Variants in PRKG1 observed in about 807,000 individuals in gnomAD.
PRKG1 encodes protein kinase cGMP-dependent 1.
In PRKG1, 35 loss-of-function variants were observed where a neutral mutation model predicts 88.1. The ratio of observed to expected loss-of-function variants is 0.40; its 90% CI spans 0.30 to 0.53. PRKG1 has a LOEUF of 0.53. Ranked by LOEUF, PRKG1 falls within the 20% of genes least tolerant of loss-of-function variation. PRKG1 has a pLI of 0.59. For synonymous variants in PRKG1, 303 were observed against 292.5 expected, an observed-to-expected ratio of 1.04 and a Z score of -0.37; for missense variants, 540 against 839.8, an observed-to-expected ratio of 0.64 and a Z score of 4.41.
chr10:51,161,146 G>A (rs1846349938), intron 2 of PRKG1, among the ~76,000 whole-genome samples: 1 of 152,040 alleles, frequency 6.6e-6, no homozygotes, highest in South Asian at 2.1e-4. Context: ...TTTTCTGTGA[G>A]AGTGGATTTT....
At chr10:51,475,904 G>A (rs1435002880) in intron 3 of PRKG1, among the ~76,000 whole-genome samples, 1 of 151,996 alleles carries the variant, frequency 6.6e-6, no homozygotes, top group Non-Finnish European at 1.5e-5. Flanking sequence ...GGTCATGAGT[G>A]TAGTTTGGAT....
intron 3 of PRKG1, among the ~76,000 whole-genome samples, chr10:51,477,883 G>C (rs749048734): frequency 7.9e-5 from 12 of 152,010 alleles, no homozygotes; most frequent in Non-Finnish European, 1.3e-4. Context: ...ACTTGGGGAA[G>C]TTGGTTCATA....
At chr10:51,511,121 A>G (rs867193683) in intron 3 of PRKG1, among the ~76,000 whole-genome samples, 15 of 152,230 alleles carry the variant, frequency 9.9e-5, no homozygotes, top group Middle Eastern at 3.4e-3. Flanking sequence ...GCTGAAATAT[A>G]CTATTTAGTA....
At chr10:52,061,907 G>C (rs1846244533) in intron 6 of PRKG1, among the ~76,000 whole-genome samples, 1 of 151,994 alleles carries the variant, frequency 6.6e-6, no homozygotes, top group Non-Finnish European at 1.5e-5. Context: ...GCGTATCCTA[G>C]AGAAACTAGG....
At chr10:51,851,316 T>C (rs1840548628) in intron 4 of PRKG1, among the ~76,000 whole-genome samples, 1 of 152,218 alleles carries the variant, frequency 6.6e-6, no homozygotes, top group Admixed American at 6.5e-5. Flanking sequence ...TGTCTTGAGA[T>C]ATTTTTCGTT....
intron 3 of PRKG1, among the ~76,000 whole-genome samples, chr10:51,468,459 T>A (rs1452365364): frequency 6.6e-6 from 1 of 151,932 alleles, no homozygotes; most frequent in Non-Finnish European, 1.5e-5. Context: ...TATATATGAT[T>A]TCTCTAGCAA....
At chr10:52,004,980 T>C (rs2454536) in intron 5 of PRKG1, among the ~76,000 whole-genome samples, 38,477 of 151,980 alleles carry the variant, frequency 0.25, 5,224 homozygotes, top group Admixed American at 0.32. Flanking sequence ...TCATTATCAA[T>C]ATGAGTTTGC....
chr10:51,446,030 A>G (rs1839263747), intron 2 of PRKG1, among the ~76,000 whole-genome samples: 1 of 151,990 alleles, frequency 6.6e-6, no homozygotes, highest in South Asian at 2.1e-4. Flanking sequence ...GTAGAGTTCA[A>G]TGGTGAATGT....
intron 1 of PRKG1, among the ~76,000 whole-genome samples, chr10:51,017,661 G>A (rs1202304716): frequency 1.3e-5 from 2 of 151,916 alleles, no homozygotes; most frequent in African/African-American, 4.8e-5. Context: ...TTTTTCCTGG[G>A]GCTCTATTAA....
At chr10:51,563,582 C>T (rs1837526130) in intron 3 of PRKG1, among the ~76,000 whole-genome samples, 1 of 151,712 alleles carries the variant, frequency 6.6e-6, no homozygotes, top group African/African-American at 2.4e-5. Context: ...GTTTGATACA[C>T]TGCAGCTGTA....
At chr10:51,467,858 T>A in intron 3 of PRKG1, 22 bp downstream of exon 3, 1 of 1,568,808 alleles carries the variant, frequency 6.4e-7, no homozygotes, top group Non-Finnish European at 8.8e-7. Flanking sequence ...TTCATATTTT[T>A]AAAATATTTT....
At chr10:51,736,662 G>A (rs1015294171) in intron 3 of PRKG1, among the ~76,000 whole-genome samples, 3 of 148,920 alleles carry the variant, frequency 2.0e-5, no homozygotes, top group Non-Finnish European at 4.4e-5. Flanking sequence ...AGGCTGGAGT[G>A]CAGTGGCGCC....
chr10:51,090,629 T>C (rs556916461), intron 1 of PRKG1, among the ~76,000 whole-genome samples: 4 of 152,298 alleles, frequency 2.6e-5, no homozygotes, highest in Admixed American at 6.5e-5. Context: ...CTGTTTATGC[T>C]CTAAAAGACA....
upstream of PRKG1, chr10:51,074,289 T>G (rs889531278): frequency 2.0e-5 from 7 of 357,626 alleles, no homozygotes; most frequent in African/African-American, 1.3e-4. Context: ...CCTCCGACTC[T>G]TCTCCCCCGC....
chr10:51,056,505 C>A (rs905116466), intron 1 of PRKG1, among the ~76,000 whole-genome samples: 5 of 152,144 alleles, frequency 3.3e-5, no homozygotes, highest in African/African-American at 1.2e-4. Context: ...TTGGCCATAT[C>A]TTTCCTTCTA....
At chr10:51,264,120 T>A (rs1003223992) in intron 2 of PRKG1, among the ~76,000 whole-genome samples, 12 of 152,348 alleles carry the variant, frequency 7.9e-5, no homozygotes, top group African/African-American at 2.9e-4. Flanking sequence ...TATCAATGAA[T>A]TGTTTCATCC....
At chr10:51,602,774 GTGTGTGTATA>G (rs1425676963) in intron 3 of PRKG1, among the ~76,000 whole-genome samples, 3,204 of 69,592 alleles carry the variant, frequency 0.046, 157 homozygotes, top group African/African-American at 0.14. Flanking sequence ...GTGTGTGTGT[GTGTGTGTATA>G]TATTCATATA....
At chr10:51,587,943 C>T (rs1236007792) in intron 3 of PRKG1, among the ~76,000 whole-genome samples, 1 of 152,208 alleles carries the variant, frequency 6.6e-6, no homozygotes. Flanking sequence ...TGGATTAAAA[C>T]AGATGCAGAA....
chr10:51,018,929 G>T (rs1338918225), intron 1 of PRKG1, among the ~76,000 whole-genome samples: 2 of 152,152 alleles, frequency 1.3e-5, no homozygotes, highest in Non-Finnish European at 2.9e-5. Context: ...CAAGAAAATT[G>T]TTACTTAGGA....
Sources: gnomAD v4.1 joint callset for allele counts (sites outside exome capture counted in the v4.1 genomes callset) on GRCh38, gnomAD v4.1.1 for gene constraint, MANE v1.5 for transcripts, NCBI Gene and HGNC (gene_info 2026-07-23, HGNC 2026-07-21) for gene names.